CRACD: variants seen among roughly 807,000 people sequenced by gnomAD.
CRACD encodes the protein capping protein-inhibiting regulator of actin dynamics.
In CRACD, 56 loss-of-function variants were observed where a neutral mutation model predicts 106.8. That is an observed-to-expected ratio of 0.52 (90% CI 0.42 to 0.66). The LOEUF is 0.66. Among genes scored for constraint, CRACD ranks in the 30% least tolerant of loss-of-function variants. The pLI, the probability that CRACD is intolerant of heterozygous loss-of-function variation, is 0.00. For missense variants in CRACD, 1,730 were observed against 1,623.2 expected, an observed-to-expected ratio of 1.07 and a Z score of -1.13; for synonymous variants, 754 against 670.8, an observed-to-expected ratio of 1.12 and a Z score of -1.92.
intron 1 of CRACD, among the ~76,000 whole-genome samples, chr4:56,153,033 C>T (rs1735637868): frequency 6.6e-6 from 1 of 152,096 alleles, no homozygotes; most frequent in African/African-American, 2.4e-5. Flanking sequence ...AATCCCAGCA[C>T]TTTGGGAGGC....
chr4:56,199,804 T>G (rs1445483515), intron 2 of CRACD, among the ~76,000 whole-genome samples: 1 of 152,142 alleles, frequency 6.6e-6, no homozygotes, highest in Non-Finnish European at 1.5e-5. Context: ...TTGTCAAGTT[T>G]CCTTCCAGAA....
intron 2 of CRACD, among the ~76,000 whole-genome samples, chr4:56,203,046 A>G (rs1021134948): frequency 6.6e-6 from 1 of 152,242 alleles, no homozygotes; most frequent in Non-Finnish European, 1.5e-5. Flanking sequence ...ATCAGCTTTG[A>G]TAATGCATAT....
intron 1 of CRACD, among the ~76,000 whole-genome samples, chr4:56,055,963 C>T (rs1439854032): frequency 1.3e-5 from 2 of 152,284 alleles, no homozygotes; most frequent in South Asian, 2.1e-4. Flanking sequence ...AGCCTGTGCA[C>T]ATTTGTATTA....
chr4:56,324,101 C>A lies in CRACD; in HGVS notation c.3379-3C>A. 1 of 1,604,796 alleles carries A rather than the reference C, an allele frequency of 6.2e-7. No homozygotes were observed. Among genetic ancestry groups the A allele is most frequent in the Non-Finnish European group, 8.5e-7 (1 of 1,174,876 alleles). The stretch of plus-strand genomic sequence containing the variant: ...TTTCCCATGACTGTCTCTGCCCACG[C>A]AGGTCAGTGTCAGCGTGCAGCCTGG... On this transcript the variant is annotated splice_region_variant and splice_polypyrimidine_tract_variant and intron_variant, in intron 9 of 10. Transcript: ENST00000682029.
At chr4:56,147,692 T>A (rs977745638) in intron 1 of CRACD, among the ~76,000 whole-genome samples, 3 of 152,244 alleles carry the variant, frequency 2.0e-5, no homozygotes, top group Non-Finnish European at 2.9e-5. Flanking sequence ...TAGCTCTATG[T>A]TTAACCTTTT....
intron 2 of CRACD, among the ~76,000 whole-genome samples, chr4:56,193,141 G>A (rs114860232): frequency 0.034 from 5,225 of 152,230 alleles, 123 homozygotes; most frequent in Admixed American, 0.056. Context: ...TTTACATGGC[G>A]GCAGGCAAGA....
At chr4:56,157,321 A>C (rs575657276) in intron 1 of CRACD, among the ~76,000 whole-genome samples, 2 of 152,310 alleles carry the variant, frequency 1.3e-5, no homozygotes, top group Admixed American at 1.3e-4. Context: ...TTTAAAACTA[A>C]AAAGAAAATC....
chr4:56,056,639 A>G (rs1382428587), intron 1 of CRACD, among the ~76,000 whole-genome samples: 1 of 151,930 alleles, frequency 6.6e-6, no homozygotes, highest in East Asian at 1.9e-4. Flanking sequence ...TCCCCGAAAA[A>G]CCAAAGTTAG....
At chr4:56,207,940 G>A (rs1438243007) in intron 2 of CRACD, among the ~76,000 whole-genome samples, 1 of 150,686 alleles carries the variant, frequency 6.6e-6, no homozygotes, top group Non-Finnish European at 1.5e-5. Context: ...TCCTGCCTCA[G>A]TCTCCCAAGT....
chr4:56,156,358 G>A (rs545635379), intron 1 of CRACD, among the ~76,000 whole-genome samples: 248 of 152,312 alleles, frequency 1.6e-3, no homozygotes, highest in Middle Eastern at 3.4e-3. Context: ...CAGCTGAGTT[G>A]GCTGCTGCCT....
chr4:56,188,659 T>TTCTC (rs60141459), intron 2 of CRACD, among the ~76,000 whole-genome samples: 29 of 83,820 alleles, frequency 3.5e-4, no homozygotes, highest in Admixed American at 2.1e-3. Context: ...ATCTCTCTAT[T>TTCTC]TCTCTCTCTC....
chr4:56,226,124 G>A (rs946658240), intron 2 of CRACD, among the ~76,000 whole-genome samples: 66 of 151,748 alleles, frequency 4.3e-4, no homozygotes, highest in African/African-American at 1.5e-3. Flanking sequence ...ATTGGGTCAC[G>A]TTGGGTTTTC....
chr4:56,206,141 A>G (rs1313944080), intron 2 of CRACD, among the ~76,000 whole-genome samples: 1 of 152,224 alleles, frequency 6.6e-6, no homozygotes, highest in East Asian at 1.9e-4. Context: ...GTTAGAATGA[A>G]TTAATATGTG....
At chr4:56,233,822 T>C (rs1295736838) in intron 2 of CRACD, among the ~76,000 whole-genome samples, 1 of 152,230 alleles carries the variant, frequency 6.6e-6, no homozygotes, top group East Asian at 1.9e-4. Flanking sequence ...TTCCAACCCA[T>C]GTATATGGTA....
In CRACD at chr4:56,271,123, A is replaced by T. The variant is rs74948270; in HGVS notation, c.-188-1198A>T. Among the ~76,000 whole-genome samples the T allele has an allele frequency of 5.8e-3, 879 of 151,348 alleles. 10 individuals carry two copies. The highest frequency in any genetic ancestry group is 0.019 in the African/African-American group (780 of 41,076). On this transcript the variant is annotated intron_variant, in intron 2 of 10. Transcript: ENST00000682029. Reference sequence around the variant, plus strand: ...TCCATCTCAAAAAAAAAAAAAAAAAAGTTTTTAAAAATAGTTGTCAGACCA... The same window carrying T: ...TCCATCTCAAAAAAAAAAAAAAAAATGTTTTTAAAAATAGTTGTCAGACCA...
At chr4:56,057,827 T>TTTTTTTTTTTTTTTTTC (rs1732137809) in intron 1 of CRACD, among the ~76,000 whole-genome samples, 1 of 59,412 alleles carries the variant, frequency 1.7e-5, no homozygotes, top group African/African-American at 1.5e-4. Flanking sequence ...TTTTTTTTTT[T>TTTTTTTTTTTTTTTTTC]TTTTTTTTTG....
At chr4:56,142,437 A>G (rs888106733) in intron 1 of CRACD, among the ~76,000 whole-genome samples, 2 of 152,186 alleles carry the variant, frequency 1.3e-5, no homozygotes, top group Non-Finnish European at 1.5e-5. Flanking sequence ...CTTGTCAGAA[A>G]AATACCTGTT....
At chr4:56,229,513 T>C (rs10020065) in intron 2 of CRACD, among the ~76,000 whole-genome samples, 36,633 of 152,036 alleles carry the variant, frequency 0.24, 4,558 homozygotes, top group Non-Finnish European at 0.27. Context: ...AATTACAAAA[T>C]CTAAGGTATT....
At chr4:56,184,701 A>T (rs1737009933) in intron 2 of CRACD, among the ~76,000 whole-genome samples, 1 of 152,200 alleles carries the variant, frequency 6.6e-6, no homozygotes, top group Non-Finnish European at 1.5e-5. Context: ...TGCTACCAAC[A>T]TTCAGGTAAG....
Sources: allele counts gnomAD v4.1 joint callset (sites outside exome capture counted in the v4.1 genomes callset), GRCh38; gene constraint gnomAD v4.1.1; transcripts MANE v1.5; gene names NCBI Gene and HGNC (gene_info 2026-07-23, HGNC 2026-07-21).